Variants in SPATA6L observed in about 807,000 individuals in gnomAD.
SPATA6L encodes spermatogenesis associated 6 like.
Under a neutral mutation model 49.2 loss-of-function variants are expected in SPATA6L, and 68 were observed. That is an observed-to-expected ratio of 1.38 (90% CI 1.14 to 1.69). SPATA6L has a LOEUF of 1.69. SPATA6L is among the 40% of genes most tolerant of loss of function. The probability of loss-of-function intolerance (pLI) is 0.00; values close to 1 mark genes in which losing one functional copy is unlikely to be tolerated. For missense variants in SPATA6L, 668 were observed against 464.3 expected (o/e 1.44, Z -4.03); for synonymous variants, 198 against 165.7 (o/e 1.19, Z -1.50).
At chr9:4,637,304 G>C (rs555351913) in intron 3 of SPATA6L, among the ~76,000 whole-genome samples, 1 of 150,886 alleles carries the variant, frequency 6.6e-6, no homozygotes, top group African/African-American at 2.5e-5. Flanking sequence ...TGAATAACAG[G>C]CTTGGTTTAA....
chr9:4,605,315 A>G (rs952514294), intron 10 of SPATA6L, 32 bp downstream of exon 10: 2 of 1,537,842 alleles, frequency 1.3e-6, no homozygotes, highest in African/African-American at 1.4e-5. Flanking sequence ...TTATTTAGTG[A>G]GCAAAGATCT....
chr9:4,618,802 A>G, intron 8 of SPATA6L, 62 bp downstream of exon 8: 1 of 1,476,230 alleles, frequency 6.8e-7, no homozygotes, highest in Non-Finnish European at 9.4e-7. Context: ...TGGAAAAAGC[A>G]CAATAATTGA....
intron 3 of SPATA6L, among the ~76,000 whole-genome samples, chr9:4,639,170 C>A (rs1833505920): frequency 6.6e-6 from 1 of 152,196 alleles, no homozygotes; most frequent in African/African-American, 2.4e-5. Context: ...CACGATTGCT[C>A]CCTGACACCA....
intron 9 of SPATA6L, among the ~76,000 whole-genome samples, chr9:4,613,843 A>C (rs1438748416): frequency 6.6e-6 from 1 of 152,154 alleles, no homozygotes; most frequent in Admixed American, 6.5e-5. Context: ...CTCGCTTCCC[A>C]AAGTGCAGGG....
intron 7 of SPATA6L, among the ~76,000 whole-genome samples, chr9:4,620,003 C>A (rs1251480766): frequency 6.6e-6 from 1 of 152,120 alleles, no homozygotes; most frequent in Admixed American, 6.5e-5. Context: ...TTTTTCTGGA[C>A]TGCTGATCCC....
chr9:4,593,993 T>C (rs1822070217), downstream of SPATA6L, among the ~76,000 whole-genome samples: 1 of 152,194 alleles, frequency 6.6e-6, no homozygotes, highest in Non-Finnish European at 1.5e-5. Flanking sequence ...ACCATCTCTA[T>C]GCAGATGATT....
At chr9:4,652,052 T>C (rs1837007628) in intron 3 of SPATA6L, among the ~76,000 whole-genome samples, 1 of 152,194 alleles carries the variant, frequency 6.6e-6, no homozygotes, top group Non-Finnish European at 1.5e-5. Context: ...TAGAAAATCC[T>C]AAGGAATCAG....
At chr9:4,606,030 G>A (rs150243171) in intron 9 of SPATA6L, among the ~76,000 whole-genome samples, 3,399 of 151,728 alleles carry the variant, frequency 0.022, 139 homozygotes, top group African/African-American at 0.08. Flanking sequence ...TTCCCTTTCC[G>A]AGTCAAAGAA....
At chr9:4,626,592 ATTT>A (rs1433301935) in intron 5 of SPATA6L, 2 of 1,276,704 alleles carry the variant, frequency 1.6e-6, no homozygotes, top group Non-Finnish European at 2.1e-6. Flanking sequence ...TTACTCTGTC[ATTT>A]CAGTGTTCCC....
In SPATA6L at chr9:4,635,340, T is replaced by C; in HGVS notation, c.286A>G (p.Lys96Glu). 6.3e-7 allele frequency: 1 copy of C among 1,590,368 alleles called. No individual in the cohort carries two copies. The highest frequency in any genetic ancestry group is 8.5e-7 in the Non-Finnish European group (1 of 1,171,658). ...CTCCTAGGGTGCGAAGGTGTCAGCT[T>C]GGGCTCTGGGAAAAGAAAATCTCGT... The part of the protein sequence containing the change: ...NTRDFLFPEP[K>E]LTPSHPRRCR... The change falls in exon 4 of 12, where the codon AAG becomes GAG. Residue 96 changes from lysine to glutamate, a missense_variant. Physicochemically the swap from Lys to Glu is moderately conservative, Grantham distance 56. Transcript: ENST00000682582.
At chr9:4,605,461 G>T (rs375304478) in intron 9 of SPATA6L, 21 bp from the exon 10 acceptor site, 25 of 1,577,022 alleles carry the variant, frequency 1.6e-5, no homozygotes, top group Non-Finnish European at 2.2e-5. Context: ...GATGGAACAG[G>T]GTGGAATATT....
At position 4,650,940 on chromosome 9, in the gene SPATA6L, G is replaced by T. The variant is rs368770544; in HGVS notation, c.226+5101C>A. Among the ~76,000 whole-genome samples the T allele has an allele frequency of 7.2e-5, 11 of 151,998 alleles. No individual in the cohort carries two copies. In the East Asian group the frequency reaches 1.2e-3, roughly 16 times the overall value. ...TGGTCTTGAACTCCTGAGCTCAAGT[G>T]ATCTGCTCGCCTTGGCCTCCCAAAA... On this transcript the variant is annotated intron_variant, in intron 3 of 11. Transcript: ENST00000682582.
chr9:4,610,951 G>GA (rs1355463997), intron 9 of SPATA6L, among the ~76,000 whole-genome samples: 2 of 145,672 alleles, frequency 1.4e-5, no homozygotes, highest in Non-Finnish European at 3.0e-5. Flanking sequence ...AAATTTACAA[G>GA]AAAAAAACAA....
chr9:4,609,624 T>C (rs1429786048), intron 9 of SPATA6L, among the ~76,000 whole-genome samples: 19 of 151,334 alleles, frequency 1.3e-4, no homozygotes, highest in African/African-American at 4.4e-4. Context: ...CTCAATAAAT[T>C]AGGTATTGAT....
intron 3 of SPATA6L, among the ~76,000 whole-genome samples, chr9:4,653,739 G>A (rs1837452976): frequency 6.6e-6 from 1 of 152,010 alleles, no homozygotes; most frequent in African/African-American, 2.4e-5. Flanking sequence ...AGACCAGCTG[G>A]GCAACATAGT....
rs149832795 is a variant in SPATA6L, at chr9:4,638,379, A to G, written c.227-2980T>C. Among the ~76,000 whole-genome samples, 733 of 152,150 alleles carry G rather than the reference A, an allele frequency of 4.8e-3. 6 individuals carry two copies. The highest frequency in any genetic ancestry group is 0.017 in the African/African-American group (700 of 41,504). ...GGCACCCCGCCACCAAGCCTGGCTAATTTTTGTACTTTTAGTAGACACGGG... is the reference window on the plus strand; with the variant it reads ...GGCACCCCGCCACCAAGCCTGGCTAGTTTTTGTACTTTTAGTAGACACGGG... On this transcript the variant is annotated intron_variant, in intron 3 of 11. Coordinates refer to ENST00000682582, the MANE Select transcript of SPATA6L (RefSeq NM_001353486.2).
chr9:4,595,694 C>T (rs1016248398), downstream of SPATA6L, among the ~76,000 whole-genome samples: 16 of 152,174 alleles, frequency 1.1e-4, no homozygotes, highest in African/African-American at 3.9e-4. Context: ...CCTCCAACAC[C>T]AATACCCCAC....
rs1285547873 is a variant in SPATA6L at position 4,666,328 on chromosome 9, G to C, written c.-78C>G. 6.8e-7 allele frequency: 1 copy of C among 1,465,612 alleles called. No individual in the cohort carries two copies. The highest frequency in any genetic ancestry group is 9.5e-7 in the Non-Finnish European group (1 of 1,048,226). 90.8% of individuals were successfully genotyped at this position (1,465,612 alleles called of 1,614,324 possible). On this transcript the variant is annotated 5_prime_UTR_variant, in exon 1 of 12. Transcript: ENST00000682582. ...CCTTGGACCAATTTTTCTTAGTTTAGCTGAATACCTAGAGCAAATGTTCCC... is the reference window on the plus strand; with the variant it reads ...CCTTGGACCAATTTTTCTTAGTTTACCTGAATACCTAGAGCAAATGTTCCC...
At chr9:4,660,961 G>C (rs1335553452) in intron 2 of SPATA6L, among the ~76,000 whole-genome samples, 1 of 152,058 alleles carries the variant, frequency 6.6e-6, no homozygotes, top group African/African-American at 2.4e-5. Context: ...TGTTCTCACT[G>C]ATAGGTGGGA....
Sources: gnomAD v4.1 joint callset for allele counts (sites outside exome capture counted in the v4.1 genomes callset) on GRCh38, gnomAD v4.1.1 for gene constraint, MANE v1.5 for transcripts, NCBI Gene and HGNC (gene_info 2026-07-23, HGNC 2026-07-21) for gene names.